The following TLK1 variants were observed in gnomAD, a reference collection of about 807,000 sequenced individuals.
TLK1 encodes the protein serine/threonine-protein kinase tousled-like 1.
TLK1 carries 24 observed loss-of-function variants against 105.3 expected under a neutral mutation model. The ratio of observed to expected loss-of-function variants is 0.23; its 90% CI spans 0.17 to 0.32. TLK1 has a LOEUF of 0.32. Among genes scored for constraint, TLK1 ranks in the 10% least tolerant of loss-of-function variants. The probability of loss-of-function intolerance (pLI) is 1.00; values close to 1 mark genes in which losing one functional copy is unlikely to be tolerated. For missense variants in TLK1, 558 were observed against 910.5 expected (o/e 0.61, Z 4.98); for synonymous variants, 321 against 310.4 (o/e 1.03, Z -0.36).
At chr2:171,088,385 C>T (rs529092480) in intron 2 of TLK1, among the ~76,000 whole-genome samples, 31 of 152,170 alleles carry the variant, frequency 2.0e-4, no homozygotes, top group Admixed American at 1.2e-3. Flanking sequence ...CCCAGTTACA[C>T]AGTTTCCAGT....
chr2:171,194,788 G>C (rs1040350690), intron 1 of TLK1, among the ~76,000 whole-genome samples: 9 of 138,890 alleles, frequency 6.5e-5, no homozygotes, highest in Admixed American at 5.4e-4. Context: ...CTGCACTCCA[G>C]CCTGGGCGAC....
rs116958001 is a variant in TLK1, at chr2:170,994,060, A to G, written c.2125-104T>C. 336 of 1,231,586 alleles carry G rather than the reference A, an allele frequency of 2.7e-4. 2 individuals carry two copies. The East Asian group carries it at 6.2e-3, about 23-fold the overall frequency. The allele number at this position is 1,231,586 out of a possible 1,614,324, so 76.3% of individuals were successfully genotyped here. A position where few individuals can be genotyped will look rare whatever the true frequency, so the allele number is the denominator to read the frequency against. On this transcript the variant is annotated intron_variant, in intron 20 of 20. Coordinates refer to ENST00000431350, the MANE Select transcript of TLK1 (RefSeq NM_012290.5). ...ATGGACACATTTAAGACATAAGTAGATCTCATTTTATTGGAAGTTCAAACC... is the reference window on the plus strand; with the variant it reads ...ATGGACACATTTAAGACATAAGTAGGTCTCATTTTATTGGAAGTTCAAACC...
At chr2:171,150,840 G>A (rs1296867920) in intron 1 of TLK1, among the ~76,000 whole-genome samples, 2 of 152,152 alleles carry the variant, frequency 1.3e-5, no homozygotes, top group Non-Finnish European at 1.5e-5. Context: ...ACAAAGTCGT[G>A]TTGTTATTAC....
intron 18 of TLK1, among the ~76,000 whole-genome samples, chr2:171,003,062 C>G (rs930721131): frequency 3.3e-5 from 5 of 151,802 alleles, no homozygotes; most frequent in Non-Finnish European, 7.4e-5. Context: ...ATCATGAGGT[C>G]AGGAGATCAA....
intron 1 of TLK1, among the ~76,000 whole-genome samples, chr2:171,175,433 T>C (rs1299849860): frequency 6.6e-6 from 1 of 152,190 alleles, no homozygotes; most frequent in Non-Finnish European, 1.5e-5. Context: ...TTGTACTAGG[T>C]ATCATAAGTA....
At chr2:171,060,847 A>G (rs536829933) in intron 4 of TLK1, among the ~76,000 whole-genome samples, 6 of 152,314 alleles carry the variant, frequency 3.9e-5, no homozygotes, top group East Asian at 3.9e-4. Flanking sequence ...ATGAAAAGTC[A>G]TAAGTTAATG....
intron 1 of TLK1, among the ~76,000 whole-genome samples, chr2:171,191,324 T>C (rs1693144594): frequency 2.0e-5 from 3 of 151,944 alleles, no homozygotes; most frequent in Non-Finnish European, 4.4e-5. Context: ...ATCCCAACAC[T>C]TTGAGAGGCC....
intron 2 of TLK1, among the ~76,000 whole-genome samples, chr2:171,115,152 T>C (rs1421886769): frequency 6.6e-6 from 1 of 151,024 alleles, no homozygotes; most frequent in East Asian, 1.9e-4. Context: ...TTCATCTTGC[T>C]TCATCTTTTA....
chr2:171,136,496 G>C (rs1353848217), intron 1 of TLK1, among the ~76,000 whole-genome samples: 2 of 152,134 alleles, frequency 1.3e-5, no homozygotes, highest in African/African-American at 4.8e-5. Flanking sequence ...AACCTGGGAG[G>C]CGGAGGTTGC....
chr2:171,041,293 A>G (rs1686663285), intron 11 of TLK1, among the ~76,000 whole-genome samples: 1 of 152,262 alleles, frequency 6.6e-6, no homozygotes. Context: ...AGTATAATGT[A>G]GATACTTTCA....
At chr2:171,060,939 A>G in intron 4 of TLK1, 142 bp downstream of exon 4, 2 of 703,560 alleles carry the variant, frequency 2.8e-6, no homozygotes, top group Non-Finnish European at 4.5e-6. Context: ...CCTAAAAGCA[A>G]TCATTATACA....
At chr2:171,158,747 GA>G (rs1266487615) in intron 1 of TLK1, among the ~76,000 whole-genome samples, 2 of 152,242 alleles carry the variant, frequency 1.3e-5, no homozygotes, top group East Asian at 3.9e-4. Flanking sequence ...ACTTCTCTAT[GA>G]AATACATTTT....
rs771157645 is a variant in TLK1 at position 170,990,935 on chromosome 2, GTGTT to G, written c.*2841_*2844del. The G allele has an allele frequency of 2.0e-5, 3 of 151,934 alleles. No individual in the cohort carries two copies. Among genetic ancestry groups the G allele is most frequent in the Non-Finnish European group, 4.4e-5 (3 of 68,006 alleles). The allele number at this position is 151,934 out of a possible 1,614,324, so 9.4% of individuals were successfully genotyped here. On this transcript the variant is annotated 3_prime_UTR_variant, in exon 21 of 21. Coordinates refer to ENST00000431350, the MANE Select transcript of TLK1 (RefSeq NM_012290.5). ...CACCATTTTGACTTCATGTAATGAG[GTGTT>G]TGTTCACATTTTATATGCCATTTAA...
Position 171,006,474 on chromosome 2 carries a change from C to A in TLK1, c.1768G>T (p.Gly590Ter). 6.4e-7 allele frequency: 1 copy of A among 1,561,898 alleles called. No homozygotes were observed. The highest frequency in any genetic ancestry group is 1.2e-5 in the South Asian group (1 of 82,612). ...PPIIHYDLKPGNILLVDGTAC... is the reference protein window; with the variant it reads ...PPIIHYDLKP ...AAAATTAGACAAATTTCATAATTAC[C>A]TGGCTTAAGATCATAATGTATAATA... is the stretch of plus-strand genomic sequence containing the variant. The change falls in exon 17 of 21, where the codon GGA becomes TGA. Residue 590 changes from glycine to a stop codon, truncating the protein, a stop_gained and splice_region_variant. Transcript: ENST00000431350. LOFTEE classifies it high-confidence loss of function.
At chr2:171,030,281 C>T (rs2105396301) in intron 11 of TLK1, among the ~76,000 whole-genome samples, 1 of 150,322 alleles carries the variant, frequency 6.7e-6, no homozygotes, top group African/African-American at 2.4e-5. Flanking sequence ...ACAAGAAATT[C>T]AGTTAGTATT....
chr2:171,061,059 A>G, intron 4 of TLK1, 22 bp downstream of exon 4: 1 of 1,607,430 alleles, frequency 6.2e-7, no homozygotes, highest in East Asian at 2.2e-5. Context: ...CTAGGCTCTG[A>G]AGGAAGATGT....
At chr2:171,013,104 C>G (rs1037358455) in intron 13 of TLK1, among the ~76,000 whole-genome samples, 2 of 151,692 alleles carry the variant, frequency 1.3e-5, no homozygotes, top group South Asian at 2.1e-4. Flanking sequence ...CCTCCGCCTC[C>G]CGGGTTCAAG....
chr2:171,118,541 CACTT>C (rs1558951951), intron 1 of TLK1, among the ~76,000 whole-genome samples: 2 of 152,094 alleles, frequency 1.3e-5, no homozygotes, highest in Non-Finnish European at 2.9e-5. Context: ...ACTGAAGTAA[CACTT>C]ACTAGTATTA....
intron 17 of TLK1, 32 bp from the exon 18 acceptor site, chr2:171,006,314 T>A: frequency 6.5e-7 from 1 of 1,546,268 alleles, no homozygotes; most frequent in Non-Finnish European, 8.7e-7. Flanking sequence ...CTTTTAATGA[T>A]ACATACATGA....
Sources: allele counts gnomAD v4.1 joint callset (sites outside exome capture counted in the v4.1 genomes callset), GRCh38; gene constraint gnomAD v4.1.1; transcripts MANE v1.5; gene names NCBI Gene and HGNC (gene_info 2026-07-23, HGNC 2026-07-21).